Variants in PDE5A observed in about 807,000 individuals in gnomAD.
PDE5A encodes phosphodiesterase 5A, also known as cGMP-specific 3',5'-cyclic phosphodiesterase.
Under a neutral mutation model 110.2 loss-of-function variants are expected in PDE5A, and 67 were observed. The observed-to-expected ratio is 0.61, with a 90% CI of 0.50 to 0.75. The LOEUF (loss-of-function observed/expected upper bound fraction) is 0.75. Ranked by LOEUF, PDE5A falls within the 30% of genes least tolerant of loss-of-function variation. The pLI, the probability that PDE5A is intolerant of heterozygous loss-of-function variation, is 0.00. For synonymous variants in PDE5A, 328 were observed against 351.2 expected (o/e 0.93, Z 0.74); for missense variants, 862 against 1,045.1 (o/e 0.82, Z 2.42).
chr4:119,559,669 G>C (rs1311374090), intron 7 of PDE5A, among the ~76,000 whole-genome samples: 1 of 152,004 alleles, frequency 6.6e-6, no homozygotes, highest in Non-Finnish European at 1.5e-5. Flanking sequence ...ATTTCAAAAG[G>C]ATTCAATACT....
intron 11 of PDE5A, among the ~76,000 whole-genome samples, chr4:119,535,331 A>C (rs895927500): frequency 2.6e-5 from 4 of 152,068 alleles, no homozygotes; most frequent in African/African-American, 9.7e-5. Context: ...CGGATAAGAG[A>C]ATCTGGCTGC....
chr4:119,520,120 C>A (rs1188521612), intron 13 of PDE5A, among the ~76,000 whole-genome samples: 1 of 152,126 alleles, frequency 6.6e-6, no homozygotes, highest in Middle Eastern at 3.2e-3. Context: ...GAAAATACTA[C>A]TATTGTATTT....
At chr4:119,628,341 G>A (rs1006351659) in intron 1 of PDE5A, among the ~76,000 whole-genome samples, 179 bp downstream of exon 1, 25 of 55,312 alleles carry the variant, frequency 4.5e-4, no homozygotes, top group African/African-American at 1.2e-3. Context: ...TGAGCAAGTT[G>A]TATCAAATCC....
intron 18 of PDE5A, among the ~76,000 whole-genome samples, chr4:119,502,893 TTTTAA>T (rs1442013280): frequency 1.3e-5 from 2 of 150,948 alleles, no homozygotes; most frequent in Admixed American, 1.3e-4. Context: ...CATTTTTCCC[TTTTAA>T]TTTTATTTAA....
intron 3 of PDE5A, among the ~76,000 whole-genome samples, chr4:119,577,234 C>T (rs962198071): frequency 2.0e-5 from 3 of 152,088 alleles, no homozygotes; most frequent in Non-Finnish European, 1.5e-5. Flanking sequence ...CAGATGGATT[C>T]ACAGCCAAAT....
intron 3 of PDE5A, among the ~76,000 whole-genome samples, chr4:119,571,692 C>T (rs182958244): frequency 6.6e-6 from 1 of 152,310 alleles, no homozygotes; most frequent in East Asian, 1.9e-4. Context: ...TTTACAGCAG[C>T]ATTAAGAAAC....
Position 119,538,752 on chromosome 4 carries a change from G to A in PDE5A, c.1632+208C>T, listed in dbSNP as rs547581657. 50 of 482,140 alleles carry A rather than the reference G, an allele frequency of 1.0e-4. 2 individuals are homozygous for A. The highest frequency in any genetic ancestry group is 4.7e-4 in the South Asian group (16 of 33,822). 29.9% of individuals were successfully genotyped at this position (482,140 alleles called of 1,614,324 possible). ...GATGTAATGATTATAACAATTACTG[G>A]AAAACAAATATCAGAATCATACACT... is the stretch of plus-strand genomic sequence containing the variant. On this transcript the variant is annotated intron_variant, in intron 11 of 20. Coordinates refer to ENST00000354960, the MANE Select transcript of PDE5A (RefSeq NM_001083.4).
chr4:119,600,384 A>G (rs1197218560), intron 2 of PDE5A, among the ~76,000 whole-genome samples: 3 of 152,186 alleles, frequency 2.0e-5, no homozygotes, highest in Non-Finnish European at 2.9e-5. Context: ...ATGTATATTT[A>G]TATGTTATTT....
chr4:119,587,722 T>C (rs1400395650), intron 3 of PDE5A, among the ~76,000 whole-genome samples: 1 of 152,226 alleles, frequency 6.6e-6, no homozygotes, highest in Non-Finnish European at 1.5e-5. Flanking sequence ...TAGCCAATTC[T>C]TTAACACTAA....
intron 15 of PDE5A, among the ~76,000 whole-genome samples, chr4:119,508,537 C>T (rs1050741553): frequency 5.9e-5 from 9 of 151,928 alleles, no homozygotes; most frequent in Non-Finnish European, 1.3e-4. Context: ...GTTATGAAGA[C>T]AGGAGAACTT....
intron 1 of PDE5A, 102 bp downstream of exon 1, chr4:119,628,418 C>T (rs1730440363): frequency 2.1e-6 from 2 of 944,986 alleles, no homozygotes; most frequent in Non-Finnish European, 3.2e-6. Flanking sequence ...GGACCGAGGA[C>T]CTACTTCAAA....
At chr4:119,502,339 GA>G (rs1200658024) in intron 19 of PDE5A, 3 of 311,048 alleles carry the variant, frequency 9.6e-6, no homozygotes, top group Non-Finnish European at 1.8e-5. Context: ...TACTTAAGCG[GA>G]AAAAAACAAA....
chr4:119,539,098 TGCTA>T, intron 10 of PDE5A, 79 bp from the exon 11 acceptor site: 5 of 1,061,704 alleles, frequency 4.7e-6, no homozygotes, highest in Non-Finnish European at 7.4e-6. Flanking sequence ...CTTGGAATTC[TGCTA>T]AGTCTTCTTG....
chr4:119,530,707 A>C (rs1366049682), intron 11 of PDE5A, among the ~76,000 whole-genome samples: 1 of 152,144 alleles, frequency 6.6e-6, no homozygotes, highest in African/African-American at 2.4e-5. Flanking sequence ...TATTGAATGA[A>C]TAAATAAATG....
chr4:119,533,915 T>C (rs1214920399), intron 11 of PDE5A, among the ~76,000 whole-genome samples: 2 of 152,158 alleles, frequency 1.3e-5, no homozygotes, highest in African/African-American at 4.8e-5. Context: ...ACTAAAACTA[T>C]GGTGTTTAGA....
chr4:119,500,984 A>G (rs1200244390), intron 20 of PDE5A, 186 bp downstream of exon 20: 4 of 565,268 alleles, frequency 7.1e-6, no homozygotes, highest in African/African-American at 1.9e-5. Context: ...TAGGCACTCA[A>G]TAGATATTAG....
At chr4:119,577,864 G>A (rs1476102367) in intron 3 of PDE5A, among the ~76,000 whole-genome samples, 2 of 152,146 alleles carry the variant, frequency 1.3e-5, no homozygotes, top group East Asian at 3.9e-4. Context: ...AGGAAATAAA[G>A]GGTATTCAGT....
intron 7 of PDE5A, among the ~76,000 whole-genome samples, chr4:119,556,161 G>GTT (rs1727530826): frequency 1.3e-5 from 2 of 152,142 alleles, no homozygotes; most frequent in Non-Finnish European, 2.9e-5. Flanking sequence ...CTCCCCTTCT[G>GTT]TTTGTCTGGA....
chr4:119,524,641 G>A (rs1726244148), intron 12 of PDE5A, among the ~76,000 whole-genome samples: 1 of 152,070 alleles, frequency 6.6e-6, no homozygotes, highest in Non-Finnish European at 1.5e-5. Context: ...ATGTGCCCCT[G>A]GCAGAGTCCT....
Sources: gnomAD v4.1 joint callset for allele counts (sites outside exome capture counted in the v4.1 genomes callset) on GRCh38, gnomAD v4.1.1 for gene constraint, MANE v1.5 for transcripts, NCBI Gene and HGNC (gene_info 2026-07-23, HGNC 2026-07-21) for gene names.